DDX60L: variants seen among roughly 807,000 people sequenced by gnomAD.
DDX60L encodes DExD/H-box 60 like.
Under a neutral mutation model 211.6 loss-of-function variants are expected in DDX60L, and 191 were observed. That is an observed-to-expected ratio of 0.90 (90% CI 0.80 to 1.02). The LOEUF is 1.02. DDX60L is among the 50% of genes least tolerant of loss of function. The pLI is 0.00. For synonymous variants in DDX60L, 706 were observed against 694.1 expected (o/e 1.02, Z -0.27); for missense variants, 2,007 against 1,984.1 (o/e 1.01, Z -0.22).
intron 4 of DDX60L, chr4:168,471,529 T>C (rs750785326): frequency 6.7e-4 from 259 of 386,110 alleles, no homozygotes; most frequent in Non-Finnish European, 1.9e-4. Context: ...ATTGTGAATG[T>C]GGGAACATAG....
chr4:168,477,431 A>G (rs1759732909), intron 1 of DDX60L, among the ~76,000 whole-genome samples: 1 of 152,006 alleles, frequency 6.6e-6, no homozygotes. Flanking sequence ...AAAAAAAGTG[A>G]AATCCTTCCT....
At chr4:168,426,985 A>G in intron 14 of DDX60L, 85 bp downstream of exon 14, 1 of 1,364,146 alleles carries the variant, frequency 7.3e-7, no homozygotes, top group East Asian at 2.5e-5. Flanking sequence ...ACAAAGTTTT[A>G]GCACAACCAT....
chr4:168,448,211 A>C (rs1167345383), intron 9 of DDX60L, among the ~76,000 whole-genome samples: 13 of 152,334 alleles, frequency 8.5e-5, no homozygotes, highest in Non-Finnish European at 1.9e-4. Flanking sequence ...ATGTTTTATT[A>C]TTCTCTGACT....
At chr4:168,439,517 C>T (rs1327486980) in intron 10 of DDX60L, among the ~76,000 whole-genome samples, 1 of 152,104 alleles carries the variant, frequency 6.6e-6, no homozygotes, top group Admixed American at 6.6e-5. Context: ...AAGGTAATTC[C>T]CTGCAATAAA....
intron 20 of DDX60L, 114 bp downstream of exon 20, chr4:168,416,568 A>C: frequency 1.6e-5 from 9 of 547,604 alleles, no homozygotes; most frequent in Non-Finnish European, 2.7e-5. Context: ...AAGATTGGGT[A>C]ATAAATTTAT....
intron 27 of DDX60L, 141 bp downstream of exon 27, chr4:168,395,818 C>A (rs1216140149): frequency 1.6e-6 from 1 of 642,120 alleles, no homozygotes. Context: ...ATAATCATTG[C>A]AAAACAAACA....
intron 10 of DDX60L, among the ~76,000 whole-genome samples, chr4:168,434,162 T>C (rs1752734568): frequency 6.6e-6 from 1 of 152,096 alleles, no homozygotes; most frequent in South Asian, 2.1e-4. Context: ...AGTGTGTACA[T>C]GTGTATATCG....
intron 8 of DDX60L, among the ~76,000 whole-genome samples, chr4:168,451,569 T>G (rs866073886): frequency 2.9e-4 from 44 of 152,332 alleles, no homozygotes; most frequent in Middle Eastern, 6.8e-3. Flanking sequence ...TTAGCCATGT[T>G]AGCATCATCA....
At chr4:168,433,794 T>C (rs1407015612) in intron 10 of DDX60L, among the ~76,000 whole-genome samples, 1 of 152,208 alleles carries the variant, frequency 6.6e-6, no homozygotes, top group African/African-American at 2.4e-5. Flanking sequence ...TATTTCCTTC[T>C]TCCTGAATTG....
intron 26 of DDX60L, among the ~76,000 whole-genome samples, chr4:168,400,291 T>G (rs561509452): frequency 6.6e-6 from 1 of 152,198 alleles, no homozygotes; most frequent in African/African-American, 2.4e-5. Flanking sequence ...GTTGATTCCA[T>G]GTCTTTGCTA....
intron 30 of DDX60L, among the ~76,000 whole-genome samples, chr4:168,382,281 A>G (rs1743104819): frequency 6.6e-6 from 1 of 152,244 alleles, no homozygotes; most frequent in African/African-American, 2.4e-5. Context: ...TTCTTTAAAA[A>G]GCAAACACTT....
rs1210123680 is a variant in DDX60L at position 168,356,984 on chromosome 4, C to T, written c.*1163G>A. ...AGAAACTTTTTTCTCCTTCAGAGTA[C>T]CGTATTCATTTATCACAGCAAAAAC... On this transcript the variant is annotated 3_prime_UTR_variant, in exon 38 of 38. Transcript: ENST00000682922. 6.6e-6 allele frequency: 1 copy of T among 152,096 alleles called. No individual in the cohort carries two copies. The allele number at this position is 152,096 out of a possible 1,614,324, so 9.4% of individuals were successfully genotyped here. A position where few individuals can be genotyped will look rare whatever the true frequency, so the allele number is the denominator to read the frequency against.
At chr4:168,429,441 C>T (rs1752002145) in intron 13 of DDX60L, among the ~76,000 whole-genome samples, 1 of 152,200 alleles carries the variant, frequency 6.6e-6, no homozygotes, top group African/African-American at 2.4e-5. Flanking sequence ...TGAGCCACTG[C>T]ACCCAGCCCA....
chr4:168,404,131 TA>T (rs201061430), intron 24 of DDX60L, 25 bp from the exon 25 acceptor site: 185,024 of 986,404 alleles, frequency 0.19, 4,232 homozygotes, highest in East Asian at 0.21. Flanking sequence ...AAAAATTATT[TA>T]AAAAAAAAAA....
Position 168,405,939 on chromosome 4 carries a change from G to A in DDX60L, c.3213+11C>T. 4.5e-6 allele frequency: 7 copies of A among 1,553,972 alleles called. No individual in the cohort carries two copies. Among genetic ancestry groups the A allele is most frequent in the East Asian group, 2.3e-5 (1 of 43,074 alleles). Reference sequence around the variant, plus strand: ...TAAGTGAAACTTTGTCCAAGAAAGTGTGAAAATTACCTTCTTCACTTGGCC... The same window carrying A: ...TAAGTGAAACTTTGTCCAAGAAAGTATGAAAATTACCTTCTTCACTTGGCC... On this transcript the variant is annotated intron_variant, in intron 24 of 37. Transcript: ENST00000682922.
rs1319483957 is a variant in DDX60L at position 168,432,915 on chromosome 4, A to T, written c.1400+95T>A. On this transcript the variant is annotated intron_variant, in intron 11 of 37. Coordinates refer to ENST00000682922, the MANE Select transcript of DDX60L (RefSeq NM_001012967.3). Reference sequence around the variant, plus strand: ...ATTATATAGAATTTACCATATCCTGATATGATATATTACATAGACATTTTG... The same window carrying T: ...ATTATATAGAATTTACCATATCCTGTTATGATATATTACATAGACATTTTG... The T allele has an allele frequency of 5.7e-6, 4 of 699,832 alleles. No homozygotes were observed. In the Admixed American group the frequency reaches 8.2e-5, roughly 14 times the overall value. The allele number at this position is 699,832 out of a possible 1,614,324, so 43.4% of individuals were successfully genotyped here.
chr4:168,430,906 T>C (rs1018027801), intron 12 of DDX60L, among the ~76,000 whole-genome samples: 4 of 152,164 alleles, frequency 2.6e-5, no homozygotes, highest in Non-Finnish European at 5.9e-5. Context: ...GGCAGTCTAA[T>C]AGCACATTCA....
intron 33 of DDX60L, among the ~76,000 whole-genome samples, chr4:168,377,377 G>C (rs1050531448): frequency 6.6e-6 from 1 of 151,848 alleles, no homozygotes; most frequent in Non-Finnish European, 1.5e-5. Flanking sequence ...TATTCTTTCT[G>C]ATAACCCTAG....
At chr4:168,423,494 A>G (rs1750971165) in intron 15 of DDX60L, 114 bp downstream of exon 15, 4 of 702,168 alleles carry the variant, frequency 5.7e-6, no homozygotes, top group Non-Finnish European at 8.9e-6. Context: ...GAATCAGAGT[A>G]AACATAGTCA....
Sources: gnomAD v4.1 joint callset for allele counts (sites outside exome capture counted in the v4.1 genomes callset) on GRCh38, gnomAD v4.1.1 for gene constraint, MANE v1.5 for transcripts, NCBI Gene and HGNC (gene_info 2026-07-23, HGNC 2026-07-21) for gene names.